MTAP: variants seen among roughly 807,000 people sequenced by gnomAD.
The protein encoded by MTAP is S-methyl-5'-thioadenosine phosphorylase.
A neutral mutation model predicts 33.6 loss-of-function variants in MTAP; 33 were observed. The observed-to-expected ratio is 0.98, with a 90% CI of 0.74 to 1.31. MTAP has a LOEUF of 1.31. MTAP is among the 40% of genes most tolerant of loss of function. The pLI is 0.00. For synonymous variants in MTAP, 148 were observed against 125.7 expected (o/e 1.18, Z -1.19); for missense variants, 367 against 360.0 (o/e 1.02, Z -0.16).
At chr9:21,924,227 C>G (rs116997634) in intron 1 of MTAP, among the ~76,000 whole-genome samples, 75 of 152,306 alleles carry the variant, frequency 4.9e-4, no homozygotes, top group Middle Eastern at 3.4e-3. Flanking sequence ...GAGATACCTT[C>G]TTTTTCCTTT....
intron 5 of MTAP, among the ~76,000 whole-genome samples, chr9:21,844,090 A>G (rs901745374): frequency 1.3e-5 from 2 of 152,232 alleles, no homozygotes; most frequent in East Asian, 3.8e-4. Context: ...ATTCAAGGCT[A>G]CTATGAACAC....
At chr9:21,849,518 C>A (rs1209240533) in intron 5 of MTAP, among the ~76,000 whole-genome samples, 1 of 152,192 alleles carries the variant, frequency 6.6e-6, no homozygotes, top group Non-Finnish European at 1.5e-5. Context: ...CATAGACATA[C>A]TTAGCAGCTG....
intron 1 of MTAP, among the ~76,000 whole-genome samples, chr9:21,873,271 CTG>C (rs751747502): frequency 1.3e-5 from 2 of 152,178 alleles, no homozygotes; most frequent in Non-Finnish European, 2.9e-5. Flanking sequence ...CGTCTATAAA[CTG>C]TGAACTAATT....
At chr9:21,927,206 C>A (rs1321872036) in intron 1 of MTAP, among the ~76,000 whole-genome samples, 1 of 152,146 alleles carries the variant, frequency 6.6e-6, no homozygotes, top group Non-Finnish European at 1.5e-5. Context: ...AACCATCAGG[C>A]CATCAAATGT....
intron 5 of MTAP, among the ~76,000 whole-genome samples, chr9:21,841,911 G>A (rs1825257388): frequency 6.6e-6 from 1 of 152,166 alleles, no homozygotes; most frequent in African/African-American, 2.4e-5. Flanking sequence ...CCCTAGCAAT[G>A]GATCCAAACC....
chr9:21,813,477 C>T (rs543628366), intron 1 of MTAP, among the ~76,000 whole-genome samples: 1 of 152,286 alleles, frequency 6.6e-6, no homozygotes, highest in East Asian at 1.9e-4. Flanking sequence ...AGAGTGAGCT[C>T]AGGGGCTCTG....
At chr9:21,874,280 T>C (rs999822982) in intron 1 of MTAP, among the ~76,000 whole-genome samples, 5 of 152,250 alleles carry the variant, frequency 3.3e-5, no homozygotes, top group African/African-American at 1.2e-4. Flanking sequence ...TTGAAGCATT[T>C]CTCATGTATG....
At position 21,864,694 on chromosome 9, in the gene MTAP, G is replaced by T. The variant is rs1332808870; in HGVS notation, c.*2680G>T. ...GCTACCATGGCTTGTTTCAAGGAAG[G>T]AAACTCTGGTACGGTGGCACCCTCA... On this transcript the variant is annotated 3_prime_UTR_variant, in exon 8 of 8. Transcript: ENST00000644715. 1.0e-6 allele frequency: 1 copy of T among 985,334 alleles called. No individual in the cohort carries two copies. The highest frequency in any genetic ancestry group is 1.7e-5 in the African/African-American group (1 of 57,206). 61.0% of individuals were successfully genotyped at this position (985,334 alleles called of 1,614,324 possible).
At chr9:21,827,507 T>C (rs894579567) in intron 4 of MTAP, among the ~76,000 whole-genome samples, 3 of 152,222 alleles carry the variant, frequency 2.0e-5, no homozygotes, top group African/African-American at 7.2e-5. Flanking sequence ...ATATCAGCAG[T>C]TTCATGTGGT....
downstream of MTAP, chr9:21,940,858 G>T (rs1819126987): frequency 1.2e-5 from 3 of 241,086 alleles, no homozygotes; most frequent in Non-Finnish European, 2.0e-5. Context: ...GGTATGATTA[G>T]TTAAATTGCC....
intron 4 of MTAP, among the ~76,000 whole-genome samples, chr9:21,828,048 G>A (rs890683615): frequency 3.3e-5 from 5 of 152,214 alleles, no homozygotes; most frequent in Admixed American, 6.5e-5. Flanking sequence ...AAATGTAGAT[G>A]TTTCACATAC....
intron 1 of MTAP, 169 bp downstream of exon 1, chr9:21,802,950 G>A: frequency 7.6e-7 from 1 of 1,319,984 alleles, no homozygotes. Context: ...GCGAGGAGAG[G>A]GTACGCTTGC....
intron 6 of MTAP, chr9:21,856,245 G>T (rs1479171324): frequency 1.1e-6 from 1 of 881,450 alleles, no homozygotes; most frequent in African/African-American, 1.8e-5. Flanking sequence ...CTCCAAAGAG[G>T]CCTAATATTG....
chr9:21,936,485 A>G (rs1819043201), exon 8 of MTAP: 1 of 152,250 alleles, frequency 6.6e-6, no homozygotes, highest in African/African-American at 2.4e-5. Flanking sequence ...GATAATGGAC[A>G]TTTATTAAAT....
intron 4 of MTAP, among the ~76,000 whole-genome samples, chr9:21,819,264 A>G (rs1824567770): frequency 6.6e-6 from 1 of 151,686 alleles, no homozygotes; most frequent in African/African-American, 2.4e-5. Context: ...TACATTGGGT[A>G]TATCTCCTGA....
chr9:21,820,010 T>C (rs1229910515), intron 4 of MTAP, among the ~76,000 whole-genome samples: 2 of 152,196 alleles, frequency 1.3e-5, no homozygotes, highest in Non-Finnish European at 2.9e-5. Flanking sequence ...TCTTGTAACT[T>C]TGTTTGAGTT....
intron 1 of MTAP, among the ~76,000 whole-genome samples, chr9:21,895,299 A>G (rs1818272157): frequency 6.6e-6 from 1 of 152,250 alleles, no homozygotes; most frequent in Admixed American, 6.5e-5. Flanking sequence ...AACAGTAACC[A>G]AAATAGCATG....
rs79700003 is a variant in MTAP at position 21,923,399 on chromosome 9, G to C, written c.148-7609G>C. On this transcript the variant is annotated intron_variant, in intron 1 of 1. Coordinates refer to the MTAP transcript ENST00000577563. ...TGAGTTAGCACCCCCTTTGGGAGGAGAGAAAATTCTTCCTTTGCCATTTGT... is the reference window on the plus strand; with the variant it reads ...TGAGTTAGCACCCCCTTTGGGAGGACAGAAAATTCTTCCTTTGCCATTTGT... Among the ~76,000 whole-genome samples the C allele has an allele frequency of 4.9e-4, 75 of 152,274 alleles. 1 individual carries two copies. The highest frequency in any genetic ancestry group is 1.7e-3 in the African/African-American group (71 of 41,554).
intron 5 of MTAP, among the ~76,000 whole-genome samples, chr9:21,845,810 C>G (rs1825366732): frequency 6.6e-6 from 1 of 151,678 alleles, no homozygotes; most frequent in South Asian, 2.1e-4. Flanking sequence ...ATAGCCAAAG[C>G]AAGACTAAGC....
Sources: gnomAD v4.1 joint callset for allele counts (sites outside exome capture counted in the v4.1 genomes callset) on GRCh38, gnomAD v4.1.1 for gene constraint, MANE v1.5 for transcripts, NCBI Gene and HGNC (gene_info 2026-07-23, HGNC 2026-07-21) for gene names.